Variants in RFC3 observed in about 807,000 individuals in gnomAD.
RFC3 encodes the protein A1 38 kDa subunit.
RFC3 carries 41 observed loss-of-function variants against 45.1 expected under a neutral mutation model. The observed-to-expected ratio is 0.91, with a 90% confidence interval of 0.71 to 1.18. RFC3 has a LOEUF of 1.18. Ranked by LOEUF, RFC3 falls within the 50% of genes most tolerant of loss-of-function variation. The pLI is 0.00. For missense variants in RFC3, 423 were observed against 428.1 expected (o/e 0.99, Z 0.10); for synonymous variants, 149 against 144.0 (o/e 1.03, Z -0.25).
rs779711845 is a variant in RFC3, at chr13:33,836,183, A to G, written c.959A>G (p.His320Arg). 2.1e-5 allele frequency: 34 copies of G among 1,613,382 alleles called. No individual in the cohort carries two copies. The highest frequency in any genetic ancestry group is 1.9e-5 in the Non-Finnish European group (22 of 1,179,540). Reference sequence around the variant, plus strand: ...GCACAAATGGCAGCTTACTATGAGCATCGTCTACAGCTGGGTAGCAAAGCC... The same window carrying G: ...GCACAAATGGCAGCTTACTATGAGCGTCGTCTACAGCTGGGTAGCAAAGCC... ...EVAQMAAYYE[H>R]RLQLGSKAIY... The change falls in exon 9 of 9, where the codon CAT (histidine) becomes CGT (arginine). Residue 320 changes from histidine (H) to arginine (R), a missense_variant. By Grantham distance (29) the His-to-Arg change is conservative (BLOSUM62 0). Coordinates refer to ENST00000380071, the MANE Select transcript of RFC3 (RefSeq NM_002915.4).
At chr13:33,920,097 T>C (rs943989599) in intron 8 of RFC3, among the ~76,000 whole-genome samples, 10 of 152,176 alleles carry the variant, frequency 6.6e-5, no homozygotes, top group African/African-American at 2.4e-4. Flanking sequence ...CCTGGGTTTC[T>C]GGAATTATGT....
At chr13:33,855,300 A>G (rs911823383) in intron 8 of RFC3, among the ~76,000 whole-genome samples, 1 of 152,148 alleles carries the variant, frequency 6.6e-6, no homozygotes, top group East Asian at 1.9e-4. Context: ...CAGGAAACAT[A>G]GATGGATTTT....
the RFC3 span, among the ~76,000 whole-genome samples, chr13:33,971,659 C>T: frequency 6.6e-6 from 1 of 152,240 alleles, no homozygotes; most frequent in Non-Finnish European, 1.5e-5. Flanking sequence ...TGCTTCTTCT[C>T]TGCAGCATTT....
At chr13:33,849,833 C>G (rs1018547282) in intron 8 of RFC3, 1 of 151,936 alleles carries the variant, frequency 6.6e-6, no homozygotes, top group Non-Finnish European at 1.5e-5. Flanking sequence ...GCCGAGATTG[C>G]ACCACCACAC....
intron 8 of RFC3, among the ~76,000 whole-genome samples, chr13:33,883,443 TG>T (rs1388984304): frequency 2.0e-5 from 3 of 152,338 alleles, no homozygotes; most frequent in Admixed American, 1.3e-4. Context: ...CTTGAGGTGA[TG>T]GAACTGTTTT....
intron 7 of RFC3, among the ~76,000 whole-genome samples, chr13:33,832,919 G>C (rs970874278): frequency 2.0e-5 from 3 of 152,130 alleles, no homozygotes; most frequent in African/African-American, 4.8e-5. Context: ...AAAACTACTT[G>C]ATTATTCCTT....
chr13:33,873,791 C>T (rs1279815961), intron 8 of RFC3, among the ~76,000 whole-genome samples: 1 of 152,312 alleles, frequency 6.6e-6, no homozygotes, highest in Admixed American at 6.5e-5. Context: ...TCATGGCTCA[C>T]AGGAAATGCT....
chr13:33,821,640 C>A lies in RFC3; in HGVS notation c.225+371C>A, dbSNP rs775431357. On this transcript the variant is annotated intron_variant, in intron 2 of 8. Coordinates refer to ENST00000380071, the MANE Select transcript of RFC3 (RefSeq NM_002915.4). Reference sequence around the variant, plus strand: ...GAATGATTTTGAGAAAAATGTTAAACATGGTATCAAGTGACTTGGTAAAGA... The same window carrying A: ...GAATGATTTTGAGAAAAATGTTAAAAATGGTATCAAGTGACTTGGTAAAGA... 2.6e-5 allele frequency among the ~76,000 whole-genome samples: 4 copies of A among 152,232 alleles called. No homozygotes were observed. The South Asian group carries it at 8.3e-4, about 32-fold the overall frequency.
chr13:33,864,002 G>A (rs1386169056), intron 8 of RFC3, among the ~76,000 whole-genome samples: 2 of 152,152 alleles, frequency 1.3e-5, no homozygotes, highest in African/African-American at 4.8e-5. Context: ...TCATGGTTCT[G>A]CAGCCTGTAC....
intron 3 of RFC3, 30 bp from the exon 4 acceptor site, chr13:33,825,759 A>G (rs745502083): frequency 7.6e-7 from 1 of 1,312,010 alleles, no homozygotes; most frequent in Non-Finnish European, 1.1e-6. Context: ...TTAAGGGCAT[A>G]CTATATACCA....
chr13:33,967,486 C>CTTT (rs11393413), downstream of RFC3, among the ~76,000 whole-genome samples: 98 of 119,414 alleles, frequency 8.2e-4, no homozygotes, highest in South Asian at 1.3e-3. Context: ...ACCAGCAATT[C>CTTT]TTTTTTTTTT....
At chr13:33,876,105 G>A (rs887346606) in intron 8 of RFC3, among the ~76,000 whole-genome samples, 1 of 152,126 alleles carries the variant, frequency 6.6e-6, no homozygotes, top group African/African-American at 2.4e-5. Context: ...CTTGAAGACA[G>A]GGACCTTATT....
intron 7 of RFC3, among the ~76,000 whole-genome samples, chr13:33,834,320 A>ATATATATATATATC (rs2139421287): frequency 7.7e-6 from 1 of 129,606 alleles, no homozygotes; most frequent in African/African-American, 3.4e-5. Context: ...ATATATATAT[A>ATATATATATATATC]TATATATATA....
chr13:33,841,218 A>T (rs2082196091), downstream of RFC3, among the ~76,000 whole-genome samples: 1 of 152,196 alleles, frequency 6.6e-6, no homozygotes, highest in Non-Finnish European at 1.5e-5. Flanking sequence ...CCCTTCCTCC[A>T]GCCTTCTGGG....
At chr13:33,868,068 T>C (rs766459011) in intron 8 of RFC3, among the ~76,000 whole-genome samples, 1 of 152,216 alleles carries the variant, frequency 6.6e-6, no homozygotes, top group Non-Finnish European at 1.5e-5. Context: ...TGCCTTCCTT[T>C]GCTGGGAGAG....
chr13:33,834,655 G>A (rs774673573), intron 7 of RFC3, among the ~76,000 whole-genome samples: 34 of 151,966 alleles, frequency 2.2e-4, no homozygotes, highest in Non-Finnish European at 4.6e-4. Context: ...ATATTATCTT[G>A]TGTCACCTAT....
intron 8 of RFC3, among the ~76,000 whole-genome samples, chr13:33,927,545 G>C (rs563143357): frequency 2.4e-4 from 36 of 152,250 alleles, no homozygotes; most frequent in African/African-American, 8.4e-4. Flanking sequence ...TCCTTGTGCT[G>C]TTGTCCATGT....
chr13:33,914,124 G>T (rs1184626334), intron 8 of RFC3, among the ~76,000 whole-genome samples: 4 of 151,704 alleles, frequency 2.6e-5, no homozygotes, highest in Non-Finnish European at 5.9e-5. Context: ...GGCGGTTCAT[G>T]GTCAATTATA....
intron 8 of RFC3, among the ~76,000 whole-genome samples, chr13:33,942,301 ATTATT>A (rs2082929593): frequency 6.6e-6 from 1 of 152,014 alleles, no homozygotes; most frequent in Non-Finnish European, 1.5e-5. Context: ...GACTGAAGGT[ATTATT>A]TTATTTTATT....
Sources: gnomAD v4.1 joint callset for allele counts (sites outside exome capture counted in the v4.1 genomes callset) on GRCh38, gnomAD v4.1.1 for gene constraint, MANE v1.5 for transcripts, NCBI Gene and HGNC (gene_info 2026-07-23, HGNC 2026-07-21) for gene names.